CADPS: variants seen among roughly 807,000 people sequenced by gnomAD.
CADPS encodes the protein calcium-dependent secretion activator 1.
Under a neutral mutation model 167.3 loss-of-function variants are expected in CADPS, and 57 were observed. That is an observed-to-expected ratio of 0.34 (90% CI 0.28 to 0.42). The LOEUF is 0.42. CADPS is among the 20% of genes least tolerant of loss of function. The probability of loss-of-function intolerance (pLI) is 1.00; values close to 1 mark genes in which losing one functional copy is unlikely to be tolerated. For missense variants in CADPS, 1,414 were observed against 1,738.1 expected (o/e 0.81, Z 3.32); for synonymous variants, 676 against 635.3 (o/e 1.06, Z -0.96).
At chr3:62,723,279 T>C (rs2076143682) in intron 3 of CADPS, among the ~76,000 whole-genome samples, 1 of 152,164 alleles carries the variant, frequency 6.6e-6, no homozygotes, top group Admixed American at 6.5e-5. Flanking sequence ...GTTGTAGGTC[T>C]CCGATGAACG....
intron 10 of CADPS, among the ~76,000 whole-genome samples, chr3:62,553,720 G>T (rs1229553401): frequency 6.6e-6 from 1 of 152,176 alleles, no homozygotes; most frequent in Non-Finnish European, 1.5e-5. Flanking sequence ...ACACACCAAG[G>T]AAAGCAAGAA....
At chr3:62,580,974 G>A (rs1430405020) in intron 8 of CADPS, among the ~76,000 whole-genome samples, 1 of 152,132 alleles carries the variant, frequency 6.6e-6, no homozygotes, top group East Asian at 1.9e-4. Flanking sequence ...ATTTGAATGT[G>A]CTTTAGAAGT....
chr3:62,835,398 T>C (rs754981475), intron 1 of CADPS, among the ~76,000 whole-genome samples: 5 of 152,232 alleles, frequency 3.3e-5, no homozygotes, highest in Non-Finnish European at 7.3e-5. Context: ...CAGGTATTCA[T>C]ATAATCTTCA....
In CADPS at chr3:62,534,349, A is replaced by G. The variant is rs149587822; in HGVS notation, c.2104-1291T>C. Reference sequence around the variant, plus strand: ...GCGAGAGAGGCCTTTGCAACACTCTAATCTTGTATTAGGGATCTGGGAATC... The same window carrying G: ...GCGAGAGAGGCCTTTGCAACACTCTGATCTTGTATTAGGGATCTGGGAATC... On this transcript the variant is annotated intron_variant, in intron 12 of 29. Coordinates refer to ENST00000383710, the MANE Select transcript of CADPS (RefSeq NM_003716.4). Among the ~76,000 whole-genome samples, 300 of 152,308 alleles carry G rather than the reference A, an allele frequency of 2.0e-3. 2 individuals are homozygous for G. Among genetic ancestry groups the G allele is most frequent in the Non-Finnish European group, 3.8e-3 (260 of 68,024 alleles).
At chr3:62,847,256 ATTTTCTTTT>A (rs998485936) in intron 1 of CADPS, among the ~76,000 whole-genome samples, 3 of 96,916 alleles carry the variant, frequency 3.1e-5, no homozygotes, top group Non-Finnish European at 4.6e-5. Context: ...TCCCAGCAGC[ATTTTCTTTT>A]TTTTTTTTTT....
At chr3:62,401,432 A>T (rs1302271169) in intron 29 of CADPS, among the ~76,000 whole-genome samples, 2 of 152,250 alleles carry the variant, frequency 1.3e-5, no homozygotes, top group South Asian at 4.1e-4. Context: ...CTGGTAATAT[A>T]CAAGTAGAGG....
intron 12 of CADPS, among the ~76,000 whole-genome samples, chr3:62,534,379 A>G (rs1295985893): frequency 3.3e-5 from 5 of 152,154 alleles, no homozygotes; most frequent in Non-Finnish European, 7.3e-5. Context: ...GGAATCTTCA[A>G]TTGACAACAT....
chr3:62,666,621 C>T (rs2074459071), intron 3 of CADPS, among the ~76,000 whole-genome samples: 1 of 152,102 alleles, frequency 6.6e-6, no homozygotes, highest in Non-Finnish European at 1.5e-5. Flanking sequence ...CAAGCAGAGG[C>T]TGTGTGGTTG....
In CADPS at chr3:62,494,045, A is replaced by G. The variant is rs1411122643; in HGVS notation, c.2707-380T>C. 3.3e-5 allele frequency among the ~76,000 whole-genome samples: 5 copies of G among 152,336 alleles called. No homozygotes were observed. The East Asian group carries it at 9.6e-4, about 29-fold the overall frequency. Reference sequence around the variant, plus strand: ...TTTAATTTCATAGATCCTAGGATGGAAAAAAGGGTATTGGATTCCTCTAAC... The same window carrying G: ...TTTAATTTCATAGATCCTAGGATGGGAAAAAGGGTATTGGATTCCTCTAAC... On this transcript the variant is annotated intron_variant, in intron 18 of 29. Coordinates refer to ENST00000383710, the MANE Select transcript of CADPS (RefSeq NM_003716.4).
intron 1 of CADPS, among the ~76,000 whole-genome samples, chr3:62,831,597 T>C (rs1330156211): frequency 6.6e-6 from 1 of 152,172 alleles, no homozygotes; most frequent in Non-Finnish European, 1.5e-5. Context: ...CACAGGTATT[T>C]GTAAAAATTA....
At position 62,874,823 on chromosome 3, in the gene CADPS, C is replaced by G; in HGVS notation, c.207G>C (p.Ala69=). 9.4e-7 allele frequency: 1 copy of G among 1,059,404 alleles called. No homozygotes were observed. The highest frequency in any genetic ancestry group is 1.2e-6 in the Non-Finnish European group (1 of 866,958). 65.6% of individuals were successfully genotyped at this position (1,059,404 alleles called of 1,614,324 possible). Residue 69 remains alanine (A), a synonymous_variant, in exon 1 of 30, where the codon GCG becomes GCC. Coordinates refer to ENST00000383710, the MANE Select transcript of CADPS (RefSeq NM_003716.4). This position sits in a 1 kb window ranked among gnomAD's most constrained non-coding sequence, Gnocchi z 7.1. The stretch of plus-strand genomic sequence containing the variant: ...GCCCCCCGGCCCCGCCGCCGCTGCT[C>G]GCGCCGCTGCCCCCGCCGCCGCCTG... ...VGAGGGGGSG[A]SSGGGAGGLQ...
chr3:62,733,680 A>G, intron 3 of CADPS, among the ~76,000 whole-genome samples: 1 of 151,920 alleles, frequency 6.6e-6, no homozygotes, highest in African/African-American at 2.4e-5. Context: ...ATGAGGCAAA[A>G]TTTTTTTAAT....
At chr3:62,569,024 A>G (rs2080808805) in intron 9 of CADPS, among the ~76,000 whole-genome samples, 1 of 152,228 alleles carries the variant, frequency 6.6e-6, no homozygotes, top group Non-Finnish European at 1.5e-5. Context: ...TGCTCAATAA[A>G]TACTGGTCAG....
intron 3 of CADPS, among the ~76,000 whole-genome samples, chr3:62,704,008 C>A (rs970217048): frequency 2.0e-4 from 30 of 152,210 alleles, no homozygotes; most frequent in Non-Finnish European, 2.8e-4. Context: ...TTAACTCTGA[C>A]TTCATTCCTT....
chr3:62,447,175 T>C (rs2057349760), intron 26 of CADPS, among the ~76,000 whole-genome samples: 1 of 152,198 alleles, frequency 6.6e-6, no homozygotes. Flanking sequence ...CCAAGTTCCT[T>C]AGCCTTGGTT....
intron 6 of CADPS, among the ~76,000 whole-genome samples, chr3:62,634,876 A>G (rs964574558): frequency 6.6e-6 from 1 of 152,192 alleles, no homozygotes; most frequent in Non-Finnish European, 1.5e-5. Context: ...TATAGCACAC[A>G]GCAGCCACCC....
chr3:62,823,850 G>A lies in CADPS; in HGVS notation c.441+50739C>T, dbSNP rs1021392631. On this transcript the variant is annotated intron_variant, in intron 1 of 29. Transcript: ENST00000383710. ...CCTTTCCTGGGAATAAACTGACTGGGGATCAGAAGTCCTGTCAGTTGCATC... is the reference window on the plus strand; with the variant it reads ...CCTTTCCTGGGAATAAACTGACTGGAGATCAGAAGTCCTGTCAGTTGCATC... 2.6e-5 allele frequency among the ~76,000 whole-genome samples: 4 copies of A among 152,116 alleles called. No homozygotes were observed. In the East Asian group the frequency reaches 5.8e-4, roughly 22 times the overall value.
intron 27 of CADPS, 53 bp downstream of exon 27, chr3:62,445,712 G>GAAAAAA (rs369250660): frequency 1.0e-5 from 9 of 876,894 alleles, no homozygotes; most frequent in African/African-American, 2.3e-5. Flanking sequence ...AAGTAAAAAT[G>GAAAAAA]AAAAAAAAAA....
At chr3:62,619,309 A>G (rs11921680) in intron 6 of CADPS, among the ~76,000 whole-genome samples, 9,350 of 152,154 alleles carry the variant, frequency 0.061, 359 homozygotes, top group South Asian at 0.14. Flanking sequence ...TAAAAGGTAA[A>G]CTTGAACCCT....
Sources: allele counts gnomAD v4.1 joint callset (sites outside exome capture counted in the v4.1 genomes callset), GRCh38; gene constraint gnomAD v4.1.1; non-coding constraint Gnocchi (gnomAD v3.1); transcripts MANE v1.5; gene names NCBI Gene and HGNC (gene_info 2026-07-23, HGNC 2026-07-21).